PIEZO2: variants seen among roughly 807,000 people sequenced by gnomAD.
PIEZO2 encodes the protein piezo type mechanosensitive ion channel component 2.
Under a neutral mutation model 337.3 loss-of-function variants are expected in PIEZO2, and 172 were observed. The observed-to-expected ratio is 0.51, with a 90% confidence interval of 0.45 to 0.58. PIEZO2 has a LOEUF of 0.58. PIEZO2 is among the 20% of genes least tolerant of loss of function. PIEZO2 has a pLI of 0.00. For missense variants in PIEZO2, 3,028 were observed against 3,391.3 expected (o/e 0.89, Z 2.66); for synonymous variants, 1,251 against 1,228.5 (o/e 1.02, Z -0.38).
intron 2 of PIEZO2, among the ~76,000 whole-genome samples, chr18:11,051,101 T>C (rs182358333): frequency 1.8e-4 from 28 of 152,224 alleles, no homozygotes; most frequent in African/African-American, 5.1e-4. Flanking sequence ...TGTCTTCTGG[T>C]TACTCCAGGA....
At chr18:11,071,231 T>C (rs2038327145) in intron 1 of PIEZO2, among the ~76,000 whole-genome samples, 1 of 152,152 alleles carries the variant, frequency 6.6e-6, no homozygotes, top group Non-Finnish European at 1.5e-5. Flanking sequence ...ACACCACAGA[T>C]TGGAGTGACA....
intron 4 of PIEZO2, among the ~76,000 whole-genome samples, chr18:10,876,778 C>T (rs1018163031): frequency 6.6e-6 from 1 of 152,152 alleles, no homozygotes; most frequent in Non-Finnish European, 1.5e-5. Context: ...GTGTTTGGAG[C>T]CAACACTCAC....
chr18:11,033,015 C>T lies in PIEZO2; in HGVS notation c.160+33112G>A, dbSNP rs897034867. ...CTGCCTCCCTCTCTTCCAGGGCAAGCGTACAGAGACAGAGTTCCAGGGTCT... is the reference window on the plus strand; with the variant it reads ...CTGCCTCCCTCTCTTCCAGGGCAAGTGTACAGAGACAGAGTTCCAGGGTCT... On this transcript the variant is annotated intron_variant, in intron 2 of 55. Transcript: ENST00000674853. This position sits in a 1 kb window ranked among gnomAD's most constrained non-coding sequence, Gnocchi z 4.2. 1.3e-5 allele frequency among the ~76,000 whole-genome samples: 2 copies of T among 152,174 alleles called. No homozygotes were observed. The highest frequency in any genetic ancestry group is 2.9e-5 in the Non-Finnish European group (2 of 68,036).
At chr18:10,956,839 C>A (rs1470839996) in intron 3 of PIEZO2, among the ~76,000 whole-genome samples, 2 of 151,318 alleles carry the variant, frequency 1.3e-5, no homozygotes, top group South Asian at 2.1e-4. Flanking sequence ...CGTGGTGGTG[C>A]GTGCCTGTAA....
chr18:10,875,395 T>C (rs1383952920), intron 4 of PIEZO2, among the ~76,000 whole-genome samples: 2 of 151,980 alleles, frequency 1.3e-5, no homozygotes, highest in Non-Finnish European at 2.9e-5. Flanking sequence ...CTAGAATTAA[T>C]ACCATTAGAA....
At chr18:10,948,995 A>G (rs1343967383) in intron 3 of PIEZO2, among the ~76,000 whole-genome samples, 1 of 152,202 alleles carries the variant, frequency 6.6e-6, no homozygotes, top group East Asian at 1.9e-4. Flanking sequence ...CTCCTGAATA[A>G]TAGATGAAAT....
At chr18:11,066,705 T>C (rs888169409) in intron 1 of PIEZO2, among the ~76,000 whole-genome samples, 8 of 152,194 alleles carry the variant, frequency 5.3e-5, no homozygotes, top group Non-Finnish European at 1.2e-4. Context: ...GTTCAAGTGA[T>C]TCTCCTGTCT....
Position 11,103,112 on chromosome 18 carries a change from G to C in PIEZO2, c.65-36890C>G, listed in dbSNP as rs374341038. Among the ~76,000 whole-genome samples the C allele has an allele frequency of 1.9e-3, 283 of 152,212 alleles. 4 individuals carry two copies. The highest frequency in any genetic ancestry group is 6.5e-3 in the African/African-American group (271 of 41,526). ...AGGGTGCTGATTCTTGACAATGAGA[G>C]GGGAGACATGGAAGCAAACTATGGA... On this transcript the variant is annotated intron_variant, in intron 1 of 55. Coordinates refer to ENST00000674853, the MANE Select transcript of PIEZO2 (RefSeq NM_001378183.1).
intron 1 of PIEZO2, among the ~76,000 whole-genome samples, chr18:11,072,445 T>C (rs2038376005): frequency 6.6e-6 from 1 of 152,102 alleles, no homozygotes; most frequent in Admixed American, 6.5e-5. Context: ...GGACATAAAA[T>C]TACCTAATTC....
intron 1 of PIEZO2, among the ~76,000 whole-genome samples, chr18:11,119,331 G>T (rs563199726): frequency 6.6e-6 from 1 of 152,154 alleles, no homozygotes; most frequent in African/African-American, 2.4e-5. Context: ...GTAGAGACAG[G>T]GTTTCACCAT....
chr18:10,873,320 C>G (rs1277115772), intron 4 of PIEZO2, among the ~76,000 whole-genome samples: 3 of 152,104 alleles, frequency 2.0e-5, no homozygotes, highest in Non-Finnish European at 4.4e-5. Context: ...TCCTTTTACA[C>G]GTGAAAAGAC....
At chr18:10,933,285 A>G (rs775605352) in intron 3 of PIEZO2, among the ~76,000 whole-genome samples, 3 of 151,874 alleles carry the variant, frequency 2.0e-5, no homozygotes, top group Admixed American at 6.6e-5. Flanking sequence ...GAACGTTTAC[A>G]TTACATTGGC....
chr18:10,827,979 C>T (rs1181055094), intron 7 of PIEZO2, among the ~76,000 whole-genome samples: 1 of 152,140 alleles, frequency 6.6e-6, no homozygotes, highest in African/African-American at 2.4e-5. Context: ...TATTAAATCT[C>T]ATGGACAAAA....
At chr18:11,051,493 G>A (rs1467186934) in intron 2 of PIEZO2, among the ~76,000 whole-genome samples, 3 of 152,088 alleles carry the variant, frequency 2.0e-5, no homozygotes, top group Non-Finnish European at 4.4e-5. Context: ...GTAGTCTTGT[G>A]ATTTGGAGCA....
rs1599008248 is a variant in PIEZO2, at chr18:11,131,998, C to A, written c.64+16527G>T. On this transcript the variant is annotated intron_variant, in intron 1 of 55. Coordinates refer to ENST00000674853, the MANE Select transcript of PIEZO2 (RefSeq NM_001378183.1). This position sits in a 1 kb window ranked among gnomAD's most constrained non-coding sequence, Gnocchi z 5.3. Reference sequence around the variant, plus strand: ...ACCAAGGCTGACCTGGCTGCAGCCGCTGCTGAGTACCCAATTTGCCAACAG... The same window carrying A: ...ACCAAGGCTGACCTGGCTGCAGCCGATGCTGAGTACCCAATTTGCCAACAG... Among the ~76,000 whole-genome samples, 2 of 152,308 alleles carry A rather than the reference C, an allele frequency of 1.3e-5. No individual in the cohort carries two copies. The highest frequency in any genetic ancestry group is 3.9e-4 in the East Asian group (2 of 5,182).
intron 2 of PIEZO2, among the ~76,000 whole-genome samples, chr18:11,045,221 A>T (rs1280998623): frequency 1.4e-5 from 2 of 144,914 alleles, no homozygotes; most frequent in East Asian, 4.2e-4. Context: ...GAATGGCGTG[A>T]ACCCGGGAGG....
intron 7 of PIEZO2, among the ~76,000 whole-genome samples, chr18:10,829,927 A>C (rs921519300): frequency 2.0e-5 from 3 of 151,326 alleles, no homozygotes; most frequent in Admixed American, 1.3e-4. Context: ...TCTTCACAGA[A>C]GTAGAAAAAA....
chr18:10,759,419 G>T lies in PIEZO2; in HGVS notation c.3757+63C>A. 7.2e-7 allele frequency: 1 copy of T among 1,379,628 alleles called. No homozygotes were observed. The highest frequency in any genetic ancestry group is 9.9e-7 in the Non-Finnish European group (1 of 1,005,942). The allele number at this position is 1,379,628 out of a possible 1,614,324, so 85.5% of individuals were successfully genotyped here. A position where few individuals can be genotyped will look rare whatever the true frequency, so the allele number is the denominator to read the frequency against. ...CAAAAGGCACTAATGCATAGCACGTGAACAATGATTAACAGTAAACCCGGA... is the reference window on the plus strand; with the variant it reads ...CAAAAGGCACTAATGCATAGCACGTTAACAATGATTAACAGTAAACCCGGA... On this transcript the variant is annotated intron_variant, in intron 26 of 55. Transcript: ENST00000674853. The surrounding 1 kb of genome is among the most constrained non-coding windows in gnomAD (Gnocchi z 5.5).
At position 10,726,664 on chromosome 18, in the gene PIEZO2, A is replaced by G; in HGVS notation, c.5029+4743T>C. On this transcript the variant is annotated intron_variant, in intron 36 of 55. Coordinates refer to ENST00000674853, the MANE Select transcript of PIEZO2 (RefSeq NM_001378183.1). The surrounding 1 kb of genome is among the most constrained non-coding windows in gnomAD (Gnocchi z 5.9). ...GCGCGCCAAGCGCGGCCAGACAGAC[A>G]CCTCGCTGCCAAGTTAATTCAGCAA... The G allele has an allele frequency of 2.1e-6, 3 of 1,424,426 alleles. No individual in the cohort carries two copies. Among genetic ancestry groups the G allele is most frequent in the Non-Finnish European group, 1.9e-6 (2 of 1,040,954 alleles). 88.2% of individuals were successfully genotyped at this position (1,424,426 alleles called of 1,614,324 possible).
Sources: gnomAD v4.1 joint callset for allele counts (sites outside exome capture counted in the v4.1 genomes callset) on GRCh38, gnomAD v4.1.1 for gene constraint, Gnocchi (gnomAD v3.1) non-coding constraint, MANE v1.5 for transcripts, NCBI Gene and HGNC (gene_info 2026-07-23, HGNC 2026-07-21) for gene names.